PRH1: variants seen among roughly 807,000 people sequenced by gnomAD.
PRH1 encodes salivary acidic proline-rich phosphoprotein 1/2.
In PRH1, 7 loss-of-function variants were observed where a neutral mutation model predicts 7.9. The observed-to-expected ratio is 0.89, with a 90% CI of 0.50 to 1.67. PRH1 has a LOEUF of 1.67. Ranked by LOEUF, PRH1 falls within the 40% of genes most tolerant of loss-of-function variation. PRH1 has a pLI of 0.00. For missense variants in PRH1, 109 were observed against 223.6 expected, an observed-to-expected ratio of 0.49 and a Z score of 3.27; for synonymous variants, 45 against 80.8, an observed-to-expected ratio of 0.56 and a Z score of 2.38.
chr12:10,971,981 A>G (rs769995103), intron 2 of PRH1, among the ~76,000 whole-genome samples: 5 of 152,148 alleles, frequency 3.3e-5, no homozygotes, highest in Non-Finnish European at 7.4e-5. Flanking sequence ...TTCTCATTTG[A>G]TATCAGCAAA....
At chr12:11,030,951 T>A (rs1413442598) in intron 1 of PRH1, 3 of 1,614,282 alleles carry the variant, frequency 1.9e-6, no homozygotes, top group Non-Finnish European at 2.5e-6. Flanking sequence ...ATCACCAGAA[T>A]GACACTCTTA....
chr12:11,096,589 CG>C (rs1945073831), intron 1 of PRH1, among the ~76,000 whole-genome samples: 1 of 114,870 alleles, frequency 8.7e-6, no homozygotes, highest in South Asian at 2.4e-4. Flanking sequence ...TCATGAAACT[CG>C]GAAAAAACTG....
intron 2 of PRH1, among the ~76,000 whole-genome samples, chr12:10,924,854 T>G (rs771818056): frequency 2.6e-5 from 4 of 152,212 alleles, no homozygotes; most frequent in Non-Finnish European, 5.9e-5. Context: ...GATATCCCCT[T>G]TATCATTTTT....
chr12:11,001,320 T>G (rs1243953921), intron 1 of PRH1, among the ~76,000 whole-genome samples: 3 of 152,108 alleles, frequency 2.0e-5, no homozygotes, highest in Middle Eastern at 3.2e-3. Context: ...AAATTAAATT[T>G]TACTCTTTTT....
chr12:11,065,443 T>C (rs1354532228), intron 1 of PRH1, among the ~76,000 whole-genome samples: 1 of 98,130 alleles, frequency 1.0e-5, no homozygotes, highest in Admixed American at 1.2e-4. Context: ...TGTTAGTTGT[T>C]CTGATTGTAG....
intron 1 of PRH1, chr12:11,061,935 G>A: frequency 1.2e-6 from 2 of 1,613,968 alleles, no homozygotes; most frequent in Non-Finnish European, 1.7e-6. Context: ...TCCTCTTTAA[G>A]TGAAGAAAAA....
chr12:11,070,858 A>AATCT lies in PRH1; in HGVS notation n.124-23671_124-23670insAGAT. Among the ~76,000 whole-genome samples, 3 of 152,052 alleles carry AATCT rather than the reference A, an allele frequency of 2.0e-5. No homozygotes were observed. In the South Asian group the frequency reaches 6.2e-4, roughly 31 times the overall value. On this transcript the variant is annotated intron_variant and non_coding_transcript_variant, in intron 1 of 4. Coordinates refer to the PRH1 transcript ENST00000541977. ...TTTGCGTTGGCTTTTTCAGAGAGAC[A>AATCT]GTCTCAATCTGTCACCCAGGCTGTA... is the stretch of plus-strand genomic sequence containing the variant.
chr12:11,085,368 G>A (rs1391509300), intron 1 of PRH1, among the ~76,000 whole-genome samples: 9 of 123,754 alleles, frequency 7.3e-5, no homozygotes, highest in African/African-American at 2.5e-4. Flanking sequence ...TACAATGAAG[G>A]TGCCCATGGG....
At chr12:10,987,363 C>T (rs772789562) in intron 1 of PRH1, among the ~76,000 whole-genome samples, 8 of 152,020 alleles carry the variant, frequency 5.3e-5, no homozygotes, top group East Asian at 1.9e-4. Context: ...ACCACCATAA[C>T]GGATTTACTA....
At chr12:10,951,539 G>A (rs928419080) in intron 2 of PRH1, among the ~76,000 whole-genome samples, 4 of 152,086 alleles carry the variant, frequency 2.6e-5, no homozygotes, top group South Asian at 4.1e-4. Flanking sequence ...TTCCAAAATG[G>A]AAAATAAATT....
chr12:11,112,936 A>T (rs935280141), intron 1 of PRH1, among the ~76,000 whole-genome samples: 2 of 152,228 alleles, frequency 1.3e-5, no homozygotes, highest in African/African-American at 4.8e-5. Flanking sequence ...TAAGCTGATA[A>T]GCAATTTCAG....
At chr12:11,038,245 G>A (rs867075797) in intron 1 of PRH1, among the ~76,000 whole-genome samples, 16 of 152,134 alleles carry the variant, frequency 1.1e-4, no homozygotes, top group African/African-American at 3.9e-4. Context: ...CACATAGAGA[G>A]TAATAACACA....
intron 2 of PRH1, among the ~76,000 whole-genome samples, chr12:10,917,486 AT>A (rs1457885838): frequency 6.6e-6 from 1 of 152,144 alleles, no homozygotes; most frequent in Non-Finnish European, 1.5e-5. Context: ...CAGAGCAATC[AT>A]TTTTCAAATG....
At chr12:10,912,238 A>G (rs895980781) in intron 2 of PRH1, among the ~76,000 whole-genome samples, 25 of 152,120 alleles carry the variant, frequency 1.6e-4, no homozygotes, top group African/African-American at 6.0e-4. Context: ...TGCTACGAAC[A>G]TTCTTTAACA....
intron 1 of PRH1, among the ~76,000 whole-genome samples, chr12:11,107,021 G>T (rs1216183543): frequency 6.6e-6 from 1 of 152,004 alleles, no homozygotes; most frequent in Non-Finnish European, 1.5e-5. Context: ...TGGGGTAGGG[G>T]AGCGAGAAAG....
At chr12:11,105,906 G>A (rs1945395896) in intron 1 of PRH1, among the ~76,000 whole-genome samples, 2 of 150,402 alleles carry the variant, frequency 1.3e-5, no homozygotes, top group Admixed American at 1.3e-4. Flanking sequence ...TTAAAACCTG[G>A]TTGCTCCTAA....
chr12:11,037,644 A>G (rs924429180), intron 1 of PRH1, among the ~76,000 whole-genome samples: 1 of 152,270 alleles, frequency 6.6e-6, no homozygotes, highest in African/African-American at 2.4e-5. Context: ...AAAAGTGTCT[A>G]TCAATAATAA....
At chr12:10,925,740 A>G (rs968897524) in intron 2 of PRH1, among the ~76,000 whole-genome samples, 4 of 152,210 alleles carry the variant, frequency 2.6e-5, no homozygotes, top group African/African-American at 9.6e-5. Flanking sequence ...TCCTAATAAC[A>G]GAACTTATGT....
chr12:10,954,353 T>A (rs1404985752), intron 2 of PRH1, among the ~76,000 whole-genome samples: 1 of 152,172 alleles, frequency 6.6e-6, no homozygotes, highest in Admixed American at 6.5e-5. Flanking sequence ...TGGTATAGTG[T>A]CTTCAAGAGA....
Sources: gnomAD v4.1 joint callset for allele counts (sites outside exome capture counted in the v4.1 genomes callset) on GRCh38, gnomAD v4.1.1 for gene constraint, MANE v1.5 for transcripts, NCBI Gene and HGNC (gene_info 2026-07-23, HGNC 2026-07-21) for gene names.